The following ST7L variants were observed in gnomAD, a reference collection of about 807,000 sequenced individuals.
ST7L encodes the protein suppression of tumorigenicity 7 like, also known as suppressor of tumorigenicity 7 protein-like.
In ST7L, 57 loss-of-function variants were observed where a neutral mutation model predicts 72.5. The ratio of observed to expected loss-of-function variants is 0.79; its 90% CI spans 0.64 to 0.98. The LOEUF (loss-of-function observed/expected upper bound fraction) is 0.98. Among genes scored for constraint, ST7L ranks in the 50% least tolerant of loss-of-function variants. The probability of loss-of-function intolerance (pLI) is 0.00; values close to 1 mark genes in which losing one functional copy is unlikely to be tolerated. For synonymous variants in ST7L, 221 were observed against 240.9 expected, an observed-to-expected ratio of 0.92 and a Z score of 0.77; for missense variants, 576 against 672.2, an observed-to-expected ratio of 0.86 and a Z score of 1.58.
intron 14 of ST7L, among the ~76,000 whole-genome samples, chr1:112,538,036 A>G (rs1485487060): frequency 6.6e-6 from 1 of 152,218 alleles, no homozygotes; most frequent in Non-Finnish European, 1.5e-5. Context: ...TTCAAACTCA[A>G]TTTGCTCTGG....
chr1:112,519,552 T>C (rs1652744590), downstream of ST7L, among the ~76,000 whole-genome samples: 1 of 152,186 alleles, frequency 6.6e-6, no homozygotes, highest in African/African-American at 2.4e-5. Flanking sequence ...AATGAGGTTC[T>C]AAGCATTCCC....
chr1:112,552,865 A>G (rs1658456182), intron 12 of ST7L, among the ~76,000 whole-genome samples: 1 of 152,072 alleles, frequency 6.6e-6, no homozygotes, highest in African/African-American at 2.4e-5. Context: ...CTCCTTTGGG[A>G]GGCCAAGGTG....
chr1:112,597,953 A>T lies in ST7L; in HGVS notation c.622+18T>A. The T allele has an allele frequency of 6.4e-7, 1 of 1,557,198 alleles. No homozygotes were observed. Among genetic ancestry groups the T allele is most frequent in the Middle Eastern group, 1.7e-4 (1 of 5,898 alleles). On this transcript the variant is annotated intron_variant, in intron 5 of 14. Coordinates refer to ENST00000358039, the MANE Select transcript of ST7L (RefSeq NM_017744.5). ...CTTCATGATCACTGTTTATACTATG[A>T]ACAGATATGATACATACCTGTGTCT...
chr1:112,591,905 T>C (rs563013065), intron 5 of ST7L, among the ~76,000 whole-genome samples: 8 of 152,232 alleles, frequency 5.3e-5, no homozygotes, highest in South Asian at 2.1e-4. Flanking sequence ...CTTGTTAACA[T>C]TGAGTTTAAG....
At chr1:112,557,001 CAAAG>C (rs1178736000) in intron 11 of ST7L, among the ~76,000 whole-genome samples, 2 of 97,810 alleles carry the variant, frequency 2.0e-5, no homozygotes, top group African/African-American at 7.7e-5. Flanking sequence ...AAAAAAAACA[CAAAG>C]AAAAGAAAAA....
At chr1:112,568,079 G>T (rs1410705881) in intron 11 of ST7L, among the ~76,000 whole-genome samples, 1 of 152,050 alleles carries the variant, frequency 6.6e-6, no homozygotes, top group African/African-American at 2.4e-5. Context: ...ATGATGTATA[G>T]CAGGCATCAT....
chr1:112,612,786 T>A (rs1669275515), intron 2 of ST7L, among the ~76,000 whole-genome samples: 1 of 152,046 alleles, frequency 6.6e-6, no homozygotes, highest in African/African-American at 2.4e-5. Context: ...ACTGTTCATG[T>A]GACAGAAAAG....
chr1:112,551,619 CTG>C (rs1056658077), intron 12 of ST7L, among the ~76,000 whole-genome samples: 1 of 151,904 alleles, frequency 6.6e-6, no homozygotes, highest in African/African-American at 2.4e-5. Flanking sequence ...GTGAAAAAAA[CTG>C]TATGGCCCAC....
At chr1:112,606,426 T>A (rs1047431367) in intron 3 of ST7L, among the ~76,000 whole-genome samples, 1 of 152,196 alleles carries the variant, frequency 6.6e-6, no homozygotes, top group African/African-American at 2.4e-5. Flanking sequence ...AGCCAGTTCT[T>A]TTCCACTTTA....
At chr1:112,568,613 G>A (rs1181554440) in intron 11 of ST7L, among the ~76,000 whole-genome samples, 1 of 151,002 alleles carries the variant, frequency 6.6e-6, no homozygotes, top group African/African-American at 2.4e-5. Flanking sequence ...GGGATTACAG[G>A]CATGAGCCAC....
At chr1:112,554,575 A>G (rs1658776794) in intron 12 of ST7L, among the ~76,000 whole-genome samples, 3 of 152,204 alleles carry the variant, frequency 2.0e-5, no homozygotes. Flanking sequence ...GAGCTTCCTT[A>G]AAAAATTAAA....
intron 11 of ST7L, among the ~76,000 whole-genome samples, chr1:112,559,483 C>T (rs574266590): frequency 2.7e-4 from 41 of 151,758 alleles, no homozygotes; most frequent in South Asian, 4.2e-4. Flanking sequence ...CCACCAGCCT[C>T]GGCTTCCCAA....
chr1:112,578,804 A>C (rs1049763088), intron 9 of ST7L, among the ~76,000 whole-genome samples: 17 of 151,996 alleles, frequency 1.1e-4, no homozygotes, highest in African/African-American at 3.6e-4. Flanking sequence ...CAAAACAAAA[A>C]AAAGAATAAT....
intron 3 of ST7L, among the ~76,000 whole-genome samples, chr1:112,609,190 T>C (rs1668694749): frequency 6.6e-6 from 1 of 151,978 alleles, no homozygotes; most frequent in Non-Finnish European, 1.5e-5. Flanking sequence ...ATAATTGTAT[T>C]TGGCTTTGTA....
chr1:112,551,138 C>CTTTTT lies in ST7L; in HGVS notation c.1397-450_1397-446dup, dbSNP rs567601091. On this transcript the variant is annotated intron_variant, in intron 12 of 14. Coordinates refer to ENST00000358039, the MANE Select transcript of ST7L (RefSeq NM_017744.5). ...TCACCAAAGCTTTCTATGAGCAGAT[C>CTTTTT]TTTTTTTTTTTTTTTTTTTTTTTTT... Among the ~76,000 whole-genome samples the CTTTTT allele has an allele frequency of 1.4e-3, 109 of 77,220 alleles. 19 individuals carry two copies. The highest frequency in any genetic ancestry group is 6.6e-3 in the African/African-American group (104 of 15,782). 50.7% of individuals were successfully genotyped at this position (77,220 alleles called of 152,430 possible).
chr1:112,574,974 T>C (rs954941686), intron 11 of ST7L, among the ~76,000 whole-genome samples: 5 of 151,802 alleles, frequency 3.3e-5, no homozygotes, highest in South Asian at 2.1e-4. Flanking sequence ...CGCGGTGGCT[T>C]ATGCCTGTAA....
At chr1:112,578,052 C>T (rs1663436657) in intron 10 of ST7L, among the ~76,000 whole-genome samples, 1 of 152,220 alleles carries the variant, frequency 6.6e-6, no homozygotes, top group Non-Finnish European at 1.5e-5. Flanking sequence ...AATCCTCCTA[C>T]AACCCTCCTG....
chr1:112,590,813 C>G (rs1310981245), intron 6 of ST7L, among the ~76,000 whole-genome samples: 2 of 152,050 alleles, frequency 1.3e-5, no homozygotes, highest in Non-Finnish European at 2.9e-5. Flanking sequence ...TTTTAATCCC[C>G]TTCTCATGCC....
intron 14 of ST7L, chr1:112,527,911 A>G (rs1458388780): frequency 6.6e-6 from 1 of 152,244 alleles, no homozygotes; most frequent in East Asian, 1.9e-4. Context: ...AACTCTGGGG[A>G]AACTGAAAAG....
Sources: gnomAD v4.1 joint callset for allele counts (sites outside exome capture counted in the v4.1 genomes callset) on GRCh38, gnomAD v4.1.1 for gene constraint, MANE v1.5 for transcripts, NCBI Gene and HGNC (gene_info 2026-07-23, HGNC 2026-07-21) for gene names.